BNC2: variants seen among roughly 807,000 people sequenced by gnomAD.
BNC2 encodes basonuclin zinc finger protein 2, also known as zinc finger protein basonuclin-2.
BNC2 carries 20 observed loss-of-function variants against 76.3 expected under a neutral mutation model. The ratio of observed to expected loss-of-function variants is 0.26; its 90% CI spans 0.18 to 0.38. The LOEUF (loss-of-function observed/expected upper bound fraction) is 0.38. Among genes scored for constraint, BNC2 ranks in the 10% least tolerant of loss-of-function variants. The probability of loss-of-function intolerance (pLI) is 1.00; values close to 1 mark genes in which losing one functional copy is unlikely to be tolerated. For missense variants in BNC2, 1,382 were observed against 1,399.8 expected, an observed-to-expected ratio of 0.99 and a Z score of 0.20; for synonymous variants, 582 against 514.8, an observed-to-expected ratio of 1.13 and a Z score of -1.77.
intron 1 of BNC2, among the ~76,000 whole-genome samples, chr9:16,786,671 AC>A (rs1424208110): frequency 1.3e-5 from 2 of 151,988 alleles, no homozygotes; most frequent in African/African-American, 4.8e-5. Context: ...CTAGCTCTGA[AC>A]CCCAACTGCA....
At chr9:16,559,337 A>G (rs1333486304) in intron 4 of BNC2, among the ~76,000 whole-genome samples, 1 of 152,204 alleles carries the variant, frequency 6.6e-6, no homozygotes, top group Non-Finnish European at 1.5e-5. Context: ...GTGTGGCCCA[A>G]GCCAATTCTT....
chr9:16,713,182 T>C (rs898428801), intron 3 of BNC2, among the ~76,000 whole-genome samples: 2 of 152,106 alleles, frequency 1.3e-5, no homozygotes, highest in African/African-American at 4.8e-5. Context: ...AGGACTGCAA[T>C]GGAAACCCAA....
rs972780387 is a variant in BNC2 at position 16,862,294 on chromosome 9, A to G, written c.3+8352T>C. Among the ~76,000 whole-genome samples, 4 of 152,368 alleles carry G rather than the reference A, an allele frequency of 2.6e-5. No individual in the cohort carries two copies. In the East Asian group the frequency reaches 7.7e-4, roughly 29 times the overall value. The stretch of plus-strand genomic sequence containing the variant: ...ATTGAATGGATATATAAGAGGTAGT[A>G]CATCCATAAAATGGAATATTAATGT... On this transcript the variant is annotated intron_variant, in intron 1 of 6. Coordinates refer to ENST00000380672, the MANE Select transcript of BNC2 (RefSeq NM_017637.6).
intron 3 of BNC2, among the ~76,000 whole-genome samples, chr9:16,705,329 C>T (rs764204708): frequency 9.9e-5 from 15 of 152,182 alleles, no homozygotes; most frequent in Non-Finnish European, 1.9e-4. Flanking sequence ...GCTTTTTTGG[C>T]CGCGCTGGGC....
chr9:16,636,297 G>A (rs1821323169), intron 3 of BNC2, among the ~76,000 whole-genome samples: 1 of 151,984 alleles, frequency 6.6e-6, no homozygotes, highest in African/African-American at 2.4e-5. Flanking sequence ...CAAGTTTTTA[G>A]GTGAAGACTT....
chr9:16,713,669 T>C (rs1307742885), intron 3 of BNC2, among the ~76,000 whole-genome samples: 1 of 152,238 alleles, frequency 6.6e-6, no homozygotes, highest in East Asian at 1.9e-4. Context: ...TCCAGGGTAT[T>C]TAGAATGGAA....
At chr9:16,750,034 A>T (rs889043276) in intron 1 of BNC2, among the ~76,000 whole-genome samples, 7 of 152,218 alleles carry the variant, frequency 4.6e-5, no homozygotes, top group Admixed American at 4.6e-4. Context: ...AAACTATAGT[A>T]GACACTAATA....
rs112554905 is a variant in BNC2, at chr9:16,597,317, G to A, written c.331-14232C>T. ...CTATAATTTTGTCCCTGTTGGGCAC[G>A]CTGCCTAAATTTAAACACAAACAGT... On this transcript the variant is annotated intron_variant, in intron 3 of 6. Coordinates refer to ENST00000380672, the MANE Select transcript of BNC2 (RefSeq NM_017637.6). Among the ~76,000 whole-genome samples, 1,316 of 152,106 alleles carry A rather than the reference G, an allele frequency of 8.7e-3. 59 individuals are homozygous for A. The South Asian group carries it at 0.13, about 15-fold the overall frequency.
chr9:16,712,733 G>A (rs912046848), intron 3 of BNC2, among the ~76,000 whole-genome samples: 7 of 152,196 alleles, frequency 4.6e-5, no homozygotes, highest in Non-Finnish European at 7.3e-5. Flanking sequence ...TTTATCAGGT[G>A]TTTAAAAGAA....
At chr9:16,720,074 A>G (rs903088811) in intron 3 of BNC2, among the ~76,000 whole-genome samples, 1 of 152,228 alleles carries the variant, frequency 6.6e-6, no homozygotes, top group African/African-American at 2.4e-5. Context: ...CCTCTGAATG[A>G]TAAGCCAGGG....
At chr9:16,818,111 A>T (rs1455000131) in intron 1 of BNC2, among the ~76,000 whole-genome samples, 1 of 152,122 alleles carries the variant, frequency 6.6e-6, no homozygotes, top group South Asian at 2.1e-4. Flanking sequence ...AATAAAAATT[A>T]AAAAAAATTT....
chr9:16,638,369 G>T (rs950669114), intron 3 of BNC2, among the ~76,000 whole-genome samples: 4 of 152,024 alleles, frequency 2.6e-5, no homozygotes, highest in Non-Finnish European at 5.9e-5. Flanking sequence ...AAGAATCAAG[G>T]CAGATCATTA....
At chr9:16,604,771 C>T (rs1820335314) in intron 3 of BNC2, among the ~76,000 whole-genome samples, 1 of 152,034 alleles carries the variant, frequency 6.6e-6, no homozygotes, top group Non-Finnish European at 1.5e-5. Flanking sequence ...TCACTACACT[C>T]CAGCCTGGGC....
chr9:16,673,501 AT>A (rs1473370541), intron 3 of BNC2, among the ~76,000 whole-genome samples: 2 of 151,988 alleles, frequency 1.3e-5, no homozygotes, highest in Admixed American at 6.6e-5. Context: ...GCTAATTAAA[AT>A]TTCCAGTTCT....
At chr9:16,704,712 G>C (rs1823613583) in intron 3 of BNC2, 1 of 49,240 alleles carries the variant, frequency 2.0e-5, no homozygotes, top group Admixed American at 2.2e-4. Context: ...AAAAAAGCCA[G>C]TGAAAAAGAA....
intron 3 of BNC2, among the ~76,000 whole-genome samples, chr9:16,700,433 C>G (rs1020682228): frequency 1.3e-5 from 2 of 151,988 alleles, no homozygotes; most frequent in African/African-American, 4.8e-5. Context: ...ATCACGTGAG[C>G]CCAGGAATTG....
At chr9:16,476,532 C>T (rs1249660194) in intron 5 of BNC2, among the ~76,000 whole-genome samples, 2 of 151,256 alleles carry the variant, frequency 1.3e-5, no homozygotes, top group Non-Finnish European at 2.9e-5. Flanking sequence ...CTCTAGATAA[C>T]TTGCTTTTTA....
At chr9:16,645,806 C>T (rs1346742972) in intron 3 of BNC2, among the ~76,000 whole-genome samples, 1 of 152,172 alleles carries the variant, frequency 6.6e-6, no homozygotes, top group African/African-American at 2.4e-5. Flanking sequence ...TTAACCTAAT[C>T]ACCCAGCACT....
chr9:16,585,080 T>C (rs1000722102), intron 3 of BNC2, among the ~76,000 whole-genome samples: 51 of 152,260 alleles, frequency 3.3e-4, no homozygotes, highest in African/African-American at 1.2e-3. Flanking sequence ...ATTTAAATCA[T>C]TAATTTGATA....
Sources: allele counts gnomAD v4.1 joint callset (sites outside exome capture counted in the v4.1 genomes callset), GRCh38; gene constraint gnomAD v4.1.1; transcripts MANE v1.5; gene names NCBI Gene and HGNC (gene_info 2026-07-23, HGNC 2026-07-21).